The following CACNA2D4 variants were observed in gnomAD, a reference collection of about 807,000 sequenced individuals.
The protein encoded by CACNA2D4 is calcium voltage-gated channel auxiliary subunit alpha2delta 4.
A neutral mutation model predicts 163.8 loss-of-function variants in CACNA2D4; 157 were observed. That is an observed-to-expected ratio of 0.96 (90% CI 0.84 to 1.09). The LOEUF (loss-of-function observed/expected upper bound fraction) is 1.09. Ranked by LOEUF, CACNA2D4 falls within the 50% of genes least tolerant of loss-of-function variation. The pLI is 0.00. For missense variants in CACNA2D4, 1,410 were observed against 1,479.9 expected, an observed-to-expected ratio of 0.95 and a Z score of 0.78; for synonymous variants, 598 against 586.9, an observed-to-expected ratio of 1.02 and a Z score of -0.27.
chr12:1,818,847 A>G (rs1176187395), intron 26 of CACNA2D4, among the ~76,000 whole-genome samples: 1 of 148,850 alleles, frequency 6.7e-6, no homozygotes, highest in African/African-American at 2.5e-5. Context: ...GGACACAAAC[A>G]CTGCGGAAGG....
intron 9 of CACNA2D4, among the ~76,000 whole-genome samples, chr12:1,885,343 G>A (rs1866110658): frequency 6.6e-6 from 1 of 152,146 alleles, no homozygotes; most frequent in Non-Finnish European, 1.5e-5. Flanking sequence ...CTGAGTACAG[G>A]GGGAGGACAG....
intron 18 of CACNA2D4, among the ~76,000 whole-genome samples, chr12:1,861,205 G>C (rs1409288626): frequency 6.6e-6 from 1 of 152,216 alleles, no homozygotes; most frequent in East Asian, 1.9e-4. Flanking sequence ...GGCAACAAAA[G>C]CCTTGCTTTC....
At chr12:1,916,176 T>C (rs1866972254) in intron 1 of CACNA2D4, among the ~76,000 whole-genome samples, 1 of 152,144 alleles carries the variant, frequency 6.6e-6, no homozygotes. Flanking sequence ...GTGTTGTTAC[T>C]GAATACAATT....
chr12:1,844,675 C>T lies in CACNA2D4; in HGVS notation c.2343-146G>A, dbSNP rs768542214. 2.9e-4 allele frequency: 230 copies of T among 790,894 alleles called. No individual in the cohort carries two copies. The highest frequency in any genetic ancestry group is 4.1e-4 in the Non-Finnish European group (208 of 508,602). The allele number at this position is 790,894 out of a possible 1,614,324, so 49.0% of individuals were successfully genotyped here. A position where few individuals can be genotyped will look rare whatever the true frequency, so the allele number is the denominator to read the frequency against. Reference sequence around the variant, plus strand: ...TACGGCCCCAGACAATGCTTCCCAGCAATTCTCGCCTTTTCCAGAAACAAA... The same window carrying T: ...TACGGCCCCAGACAATGCTTCCCAGTAATTCTCGCCTTTTCCAGAAACAAA... On this transcript the variant is annotated intron_variant, in intron 24 of 37. Transcript: ENST00000382722. The surrounding 1 kb of genome is among the most constrained non-coding windows in gnomAD (Gnocchi z 4.2).
At chr12:1,910,001 T>C in intron 3 of CACNA2D4, 36 bp from the exon 4 acceptor site, 1 of 1,582,954 alleles carries the variant, frequency 6.3e-7, no homozygotes, top group Non-Finnish European at 8.7e-7. Flanking sequence ...GGAGAATGGG[T>C]AAAAGGAGCC....
chr12:1,900,085 AATGCTAGACCACT>A (rs1204187558), intron 6 of CACNA2D4, among the ~76,000 whole-genome samples: 3 of 152,198 alleles, frequency 2.0e-5, no homozygotes, highest in Non-Finnish European at 2.9e-5. Flanking sequence ...AGGGAAATGC[AATGCTAGACCACT>A]ATGAAATACT....
intron 26 of CACNA2D4, chr12:1,811,930 G>A (rs574787575): frequency 2.5e-4 from 146 of 582,216 alleles, no homozygotes; most frequent in East Asian, 1.8e-3. Flanking sequence ...AGCCTCTCTC[G>A]TTCCCACTGG....
chr12:1,917,157 T>C lies in CACNA2D4; in HGVS notation c.227+1090A>G, dbSNP rs949845611. ...ATCCCAGCACCTTCACTTCCTGGCC[T>C]TGTGAACTTGGGGAAGTCACCTGAC... On this transcript the variant is annotated intron_variant, in intron 1 of 37. Transcript: ENST00000382722. The surrounding 1 kb of genome is among the most constrained non-coding windows in gnomAD (Gnocchi z 4.3). Among the ~76,000 whole-genome samples the C allele has an allele frequency of 2.4e-4, 37 of 152,300 alleles. No individual in the cohort carries two copies. The highest frequency in any genetic ancestry group is 8.7e-4 in the African/African-American group (36 of 41,568).
chr12:1,859,798 G>A (rs985146984), intron 19 of CACNA2D4, among the ~76,000 whole-genome samples: 11 of 152,250 alleles, frequency 7.2e-5, no homozygotes, highest in Admixed American at 6.5e-5. Flanking sequence ...ACCGCCCTCG[G>A]GGAAATGACC....
At chr12:1,804,775 C>T (rs866528591) in intron 29 of CACNA2D4, among the ~76,000 whole-genome samples, 5 of 152,374 alleles carry the variant, frequency 3.3e-5, no homozygotes, top group Admixed American at 2.6e-4. Flanking sequence ...GAAGTGGACT[C>T]GAAGGCAGGA....
intron 13 of CACNA2D4, among the ~76,000 whole-genome samples, chr12:1,880,631 G>A (rs181993009): frequency 2.0e-5 from 3 of 152,390 alleles, no homozygotes; most frequent in Admixed American, 1.3e-4. Context: ...CCTTGGATGA[G>A]ATCAACTAAA....
chr12:1,849,994 T>G (rs1175383944), intron 23 of CACNA2D4, among the ~76,000 whole-genome samples: 1 of 152,218 alleles, frequency 6.6e-6, no homozygotes, highest in Non-Finnish European at 1.5e-5. Context: ...TTGGGTTGTT[T>G]CCAATCTTCT....
At chr12:1,880,488 G>A (rs1865971046) in intron 13 of CACNA2D4, among the ~76,000 whole-genome samples, 1 of 152,274 alleles carries the variant, frequency 6.6e-6, no homozygotes, top group Non-Finnish European at 1.5e-5. Context: ...CTAGACGGCT[G>A]TCCGCCCTGA....
intron 26 of CACNA2D4, among the ~76,000 whole-genome samples, chr12:1,818,010 C>T (rs1863939101): frequency 6.6e-6 from 1 of 151,616 alleles, no homozygotes; most frequent in Admixed American, 6.6e-5. Flanking sequence ...AGCGCCTCTG[C>T]CCGGCCGCCA....
Position 1,874,702 on chromosome 12 carries a change from G to C in CACNA2D4, c.1807-27C>G. ...TTCAGGAGGAAAGACAATGGCATTA[G>C]TTCCTTGGCTCACAGGGGATGGTGA... On this transcript the variant is annotated intron_variant, in intron 17 of 37. Coordinates refer to ENST00000382722, the MANE Select transcript of CACNA2D4 (RefSeq NM_172364.5). This position sits in a 1 kb window ranked among gnomAD's most constrained non-coding sequence, Gnocchi z 4.4. The C allele has an allele frequency of 6.5e-7, 1 of 1,528,254 alleles. No homozygotes were observed. Among genetic ancestry groups the C allele is most frequent in the Non-Finnish European group, 9.1e-7 (1 of 1,102,104 alleles). 94.7% of individuals were successfully genotyped at this position (1,528,254 alleles called of 1,614,324 possible).
chr12:1,910,406 G>A (rs1434562954), intron 3 of CACNA2D4, among the ~76,000 whole-genome samples: 9 of 152,218 alleles, frequency 5.9e-5, no homozygotes, highest in Admixed American at 3.9e-4. Context: ...ATGGACTTGG[G>A]GATAATGGAG....
chr12:1,844,010 A>G lies in CACNA2D4; in HGVS notation c.2470+392T>C, dbSNP rs958975975. ...GCCCCACTGACTTAGTGAGTACTGC[A>G]GCCCCTAATGAAACCACCCGTCTGG... On this transcript the variant is annotated intron_variant, in intron 25 of 37. Transcript: ENST00000382722. The surrounding 1 kb of genome is among the most constrained non-coding windows in gnomAD (Gnocchi z 4.2). 2.6e-5 allele frequency among the ~76,000 whole-genome samples: 4 copies of G among 152,194 alleles called. No individual in the cohort carries two copies. Among genetic ancestry groups the G allele is most frequent in the African/African-American group, 9.6e-5 (4 of 41,452 alleles).
chr12:1,897,695 GA>G (rs2088385770), intron 6 of CACNA2D4, among the ~76,000 whole-genome samples: 1 of 152,168 alleles, frequency 6.6e-6, no homozygotes, highest in Non-Finnish European at 1.5e-5. Context: ...AGGGATAGAG[GA>G]AAAAGTATAT....
intron 1 of CACNA2D4, chr12:1,918,041 G>C: frequency 1.8e-6 from 1 of 546,802 alleles, no homozygotes; most frequent in Non-Finnish European, 3.2e-6. Flanking sequence ...TGGGACTCCA[G>C]AACTCACAGA....
Sources: allele counts gnomAD v4.1 joint callset (sites outside exome capture counted in the v4.1 genomes callset), GRCh38; gene constraint gnomAD v4.1.1; non-coding constraint Gnocchi (gnomAD v3.1); transcripts MANE v1.5; gene names NCBI Gene and HGNC (gene_info 2026-07-23, HGNC 2026-07-21).